LRRC4C: variants seen among roughly 807,000 people sequenced by gnomAD.
LRRC4C encodes the protein leucine rich repeat containing 4C.
A neutral mutation model predicts 33.6 loss-of-function variants in LRRC4C; 5 were observed. That is an observed-to-expected ratio of 0.15 (90% CI 0.08 to 0.31). LRRC4C has a LOEUF of 0.31. LRRC4C is among the 10% of genes least tolerant of loss of function. LRRC4C has a pLI of 1.00. For missense variants in LRRC4C, 560 were observed against 796.7 expected, an observed-to-expected ratio of 0.70 and a Z score of 3.58; for synonymous variants, 329 against 302.0, an observed-to-expected ratio of 1.09 and a Z score of -0.93.
chr11:41,188,659 C>G (rs1359755857), intron 1 of LRRC4C, among the ~76,000 whole-genome samples: 1 of 147,192 alleles, frequency 6.8e-6, no homozygotes, highest in Non-Finnish European at 1.5e-5. Flanking sequence ...GTTTTTTTAT[C>G]TCTTCTAAAT....
intron 1 of LRRC4C, among the ~76,000 whole-genome samples, chr11:41,413,977 A>C (rs1954586351): frequency 1.3e-5 from 2 of 152,134 alleles, no homozygotes; most frequent in South Asian, 4.1e-4. Context: ...CTTTCAAAGA[A>C]ACCTGCTTTA....
chr11:41,379,012 GT>G (rs1953045390), intron 1 of LRRC4C, among the ~76,000 whole-genome samples: 1 of 147,054 alleles, frequency 6.8e-6, no homozygotes, highest in African/African-American at 2.5e-5. Context: ...TTTCATGCTT[GT>G]TTTTTTCTGT....
intron 3 of LRRC4C, among the ~76,000 whole-genome samples, chr11:40,593,845 C>T (rs996459003): frequency 2.0e-5 from 3 of 152,056 alleles, no homozygotes; most frequent in South Asian, 2.1e-4. Flanking sequence ...GAAAATCTTG[C>T]AATATCCTTT....
chr11:40,561,614 G>A (rs534491423), intron 3 of LRRC4C, among the ~76,000 whole-genome samples: 2 of 151,514 alleles, frequency 1.3e-5, no homozygotes, highest in South Asian at 2.1e-4. Flanking sequence ...GGGTTTCGTC[G>A]TGTTAGCTAG....
intron 2 of LRRC4C, among the ~76,000 whole-genome samples, chr11:40,927,723 A>G (rs1957458541): frequency 6.6e-6 from 1 of 151,816 alleles, no homozygotes; most frequent in South Asian, 2.1e-4. Context: ...AGCAAAGGGC[A>G]TATTGATTAA....
chr11:41,150,085 T>A lies in LRRC4C; in HGVS notation c.-495-216362A>T, dbSNP rs530694717. On this transcript the variant is annotated intron_variant, in intron 1 of 6. Coordinates refer to ENST00000528697, the MANE Select transcript of LRRC4C (RefSeq NM_001258419.2). ...ATAAAATCATATCTTCCCTTATGGC[T>A]TTCCCTCTAAGTGCCTTTCCCTTAC... Among the ~76,000 whole-genome samples the A allele has an allele frequency of 4.1e-4, 63 of 152,304 alleles. 4 individuals carry two copies. The South Asian group carries it at 0.012, about 30-fold the overall frequency.
intron 1 of LRRC4C, among the ~76,000 whole-genome samples, chr11:41,210,704 G>T (rs1946788688): frequency 6.6e-6 from 1 of 152,074 alleles, no homozygotes; most frequent in Non-Finnish European, 1.5e-5. Context: ...ACTAGCCTAA[G>T]AACAGAGCCA....
At chr11:40,572,330 T>C (rs558035893) in intron 3 of LRRC4C, among the ~76,000 whole-genome samples, 1 of 152,132 alleles carries the variant, frequency 6.6e-6, no homozygotes, top group Non-Finnish European at 1.5e-5. Flanking sequence ...ATGAACACTA[T>C]CTGAGAGAAA....
At chr11:40,964,088 C>T (rs776433635) in intron 1 of LRRC4C, among the ~76,000 whole-genome samples, 7 of 151,422 alleles carry the variant, frequency 4.6e-5, no homozygotes, top group Middle Eastern at 3.4e-3. Flanking sequence ...CTCAATGTGC[C>T]GCAGTTTCTT....
chr11:41,105,215 A>T (rs572967859), intron 1 of LRRC4C, among the ~76,000 whole-genome samples: 1 of 151,976 alleles, frequency 6.6e-6, no homozygotes, highest in African/African-American at 2.4e-5. Context: ...GTCCCTTTTG[A>T]CTTCAGTCTT....
At chr11:40,427,501 C>T (rs1297925241) in intron 3 of LRRC4C, among the ~76,000 whole-genome samples, 1 of 151,468 alleles carries the variant, frequency 6.6e-6, no homozygotes, top group South Asian at 2.1e-4. Flanking sequence ...GAGTGAAACT[C>T]TGTCTCAAAA....
intron 1 of LRRC4C, among the ~76,000 whole-genome samples, chr11:41,017,047 T>C (rs1433302728): frequency 6.6e-6 from 1 of 152,212 alleles, no homozygotes; most frequent in African/African-American, 2.4e-5. Context: ...GATCAGTTGA[T>C]ACCTGAGACT....
chr11:40,272,239 C>T (rs1366799119), intron 4 of LRRC4C, among the ~76,000 whole-genome samples: 1 of 152,022 alleles, frequency 6.6e-6, no homozygotes, highest in Non-Finnish European at 1.5e-5. Flanking sequence ...CTCCATTGGC[C>T]TTAAGAAAAA....
chr11:41,406,706 C>CCACACACACACACACA (rs112867786), intron 1 of LRRC4C, among the ~76,000 whole-genome samples: 1 of 138,244 alleles, frequency 7.2e-6, no homozygotes, highest in African/African-American at 2.8e-5. Context: ...TACACATTCA[C>CCACACACACACACACA]CACACACACA....
intron 1 of LRRC4C, among the ~76,000 whole-genome samples, chr11:41,111,301 T>C (rs764418418): frequency 6.6e-6 from 1 of 152,054 alleles, no homozygotes; most frequent in Non-Finnish European, 1.5e-5. Flanking sequence ...AAGCTCATCA[T>C]TACCTGTCTC....
chr11:41,232,578 A>G (rs1947848513), intron 1 of LRRC4C, among the ~76,000 whole-genome samples: 1 of 152,132 alleles, frequency 6.6e-6, no homozygotes, highest in South Asian at 2.1e-4. Context: ...AAATGACTAC[A>G]TAATAACAAT....
At chr11:41,332,270 A>G (rs556850154) in intron 1 of LRRC4C, among the ~76,000 whole-genome samples, 1 of 152,370 alleles carries the variant, frequency 6.6e-6, no homozygotes, top group Non-Finnish European at 1.5e-5. Context: ...ATACAATTTT[A>G]TAACAAGCAC....
At chr11:41,405,076 A>G (rs1954178539) in intron 1 of LRRC4C, among the ~76,000 whole-genome samples, 1 of 152,162 alleles carries the variant, frequency 6.6e-6, no homozygotes, top group Admixed American at 6.5e-5. Flanking sequence ...ATGTTGATAA[A>G]TAAATGAAAA....
chr11:41,221,139 C>T (rs141064637), intron 1 of LRRC4C, among the ~76,000 whole-genome samples: 4 of 152,116 alleles, frequency 2.6e-5, no homozygotes, highest in Admixed American at 2.0e-4. Flanking sequence ...CTTCCTCTTC[C>T]GACCCTCCAC....
Sources: gnomAD v4.1 joint callset for allele counts (sites outside exome capture counted in the v4.1 genomes callset) on GRCh38, gnomAD v4.1.1 for gene constraint, MANE v1.5 for transcripts, NCBI Gene and HGNC (gene_info 2026-07-23, HGNC 2026-07-21) for gene names.